MBTD1: variants seen among roughly 807,000 people sequenced by gnomAD.
The protein encoded by MBTD1 is MBT domain-containing protein 1.
In MBTD1, 24 loss-of-function variants were observed where a neutral mutation model predicts 87.8. That is an observed-to-expected ratio of 0.27 (90% CI 0.20 to 0.38). MBTD1 has a LOEUF of 0.38. MBTD1 is among the 10% of genes least tolerant of loss of function. The pLI is 1.00. For missense variants in MBTD1, 436 were observed against 760.2 expected (o/e 0.57, Z 5.02); for synonymous variants, 237 against 248.6 (o/e 0.95, Z 0.44).
rs937773546 is a variant in MBTD1 at position 51,211,258 on chromosome 17, C to A, written c.487-4253G>T. Reference sequence around the variant, plus strand: ...CTGTAATCCCAGTACTTTGGGAGGCCAAGGTTGGGGGATTGCTTGTACCCA... The same window carrying A: ...CTGTAATCCCAGTACTTTGGGAGGCAAAGGTTGGGGGATTGCTTGTACCCA... On this transcript the variant is annotated intron_variant, in intron 6 of 16. Coordinates refer to ENST00000586178, the MANE Select transcript of MBTD1 (RefSeq NM_017643.3). 3.3e-5 allele frequency among the ~76,000 whole-genome samples: 5 copies of A among 151,782 alleles called. 1 individual carries two copies. The highest frequency in any genetic ancestry group is 1.2e-4 in the African/African-American group (5 of 41,324).
At chr17:51,233,334 T>C (rs1312823981) in intron 2 of MBTD1, among the ~76,000 whole-genome samples, 1 of 151,122 alleles carries the variant, frequency 6.6e-6, no homozygotes, top group African/African-American at 2.4e-5. Flanking sequence ...AAAACAAATC[T>C]CCAGGAAAGA....
chr17:51,197,041 GATATATATATATATATATAT>G (rs71149351), intron 12 of MBTD1, among the ~76,000 whole-genome samples: 11 of 87,620 alleles, frequency 1.3e-4, no homozygotes, highest in Middle Eastern at 6.3e-3. Flanking sequence ...ATATATACAA[GATATATATATATATATATAT>G]ATATATATAT....
At position 51,202,780 on chromosome 17, in the gene MBTD1, G is replaced by A; in HGVS notation, c.984C>T (p.Asp328=). The change falls in exon 10 of 17, where the codon GAC becomes GAT. Residue 328 remains aspartate, a synonymous_variant. Transcript: ENST00000586178. ...VYEESEDRTD[D]FWCHMHSPLI... ...ATGGGCTGTGCATATGGCACCAGAA[G>A]TCATCTGTTCTATCTTCGCTTTCTT... is the stretch of plus-strand genomic sequence containing the variant. 6.2e-7 allele frequency: 1 copy of A among 1,614,116 alleles called. No homozygotes were observed. The highest frequency in any genetic ancestry group is 8.5e-7 in the Non-Finnish European group (1 of 1,179,994).
chr17:51,240,803 AAG>A (rs2054119905), intron 2 of MBTD1, among the ~76,000 whole-genome samples: 2 of 152,128 alleles, frequency 1.3e-5, no homozygotes, highest in South Asian at 4.1e-4. Context: ...TGTTCATATT[AAG>A]TATTTGGAAT....
intron 2 of MBTD1, among the ~76,000 whole-genome samples, chr17:51,232,379 G>A (rs572414725): frequency 2.0e-5 from 3 of 152,108 alleles, no homozygotes; most frequent in Admixed American, 6.5e-5. Flanking sequence ...AATCCACCAT[G>A]AGCAAGCATC....
At chr17:51,192,456 T>C (rs984242421) in intron 15 of MBTD1, 176 bp from the exon 16 acceptor site, 11 of 627,372 alleles carry the variant, frequency 1.8e-5, no homozygotes, top group African/African-American at 3.7e-5. Context: ...CATGAGACAT[T>C]TTCCACTATT....
chr17:51,236,013 C>G (rs1568220123), intron 2 of MBTD1, among the ~76,000 whole-genome samples: 1 of 152,010 alleles, frequency 6.6e-6, no homozygotes, highest in Admixed American at 6.6e-5. Flanking sequence ...ATCGGTCTCT[C>G]TCTATATGTA....
chr17:51,259,681 G>T (rs1270414950), intron 1 of MBTD1, among the ~76,000 whole-genome samples, 154 bp downstream of exon 1: 4 of 151,950 alleles, frequency 2.6e-5, no homozygotes, highest in African/African-American at 9.7e-5. Context: ...TTTAACGGCT[G>T]GAAGGGGGAG....
chr17:51,236,910 G>C (rs1319825465), intron 2 of MBTD1, among the ~76,000 whole-genome samples: 2 of 152,018 alleles, frequency 1.3e-5, no homozygotes, highest in Admixed American at 6.6e-5. Flanking sequence ...GTAAGTTAAC[G>C]TAAGAGTTCT....
chr17:51,235,827 CAAAGGCTCTAGA>C (rs1355140374), intron 2 of MBTD1, among the ~76,000 whole-genome samples: 1 of 152,102 alleles, frequency 6.6e-6, no homozygotes, highest in African/African-American at 2.4e-5. Context: ...TATGGAACTG[CAAAGGCTCTAGA>C]ATAGCCAAAG....
chr17:51,205,732 C>T (rs1324440184), intron 7 of MBTD1, among the ~76,000 whole-genome samples: 1 of 152,134 alleles, frequency 6.6e-6, no homozygotes, highest in Admixed American at 6.5e-5. Context: ...TGGTGCAACT[C>T]ATCAATAGTC....
At chr17:51,218,611 T>C (rs2052714755) in intron 5 of MBTD1, among the ~76,000 whole-genome samples, 1 of 150,160 alleles carries the variant, frequency 6.7e-6, no homozygotes, top group Admixed American at 6.6e-5. Flanking sequence ...CTTCCCTCAA[T>C]CCCTTTGAAG....
intron 6 of MBTD1, among the ~76,000 whole-genome samples, chr17:51,212,568 A>G (rs1303702229): frequency 1.3e-5 from 2 of 152,002 alleles, no homozygotes; most frequent in Non-Finnish European, 2.9e-5. Context: ...ACCAAACAGA[A>G]GAAATCTGAA....
intron 6 of MBTD1, among the ~76,000 whole-genome samples, chr17:51,210,247 T>C (rs2052098988): frequency 3.9e-5 from 6 of 152,004 alleles, no homozygotes; most frequent in Admixed American, 3.3e-4. Flanking sequence ...TGCCTCAGCC[T>C]CCCAAAGTAC....
intron 4 of MBTD1, 48 bp from the exon 5 acceptor site, chr17:51,219,092 C>G (rs1351209430): frequency 1.1e-6 from 1 of 946,360 alleles, no homozygotes; most frequent in Non-Finnish European, 1.7e-6. Flanking sequence ...CATCCCCTCA[C>G]CACCACAATT....
intron 2 of MBTD1, among the ~76,000 whole-genome samples, chr17:51,243,799 T>C (rs1568231693): frequency 6.6e-6 from 1 of 152,184 alleles, no homozygotes; most frequent in East Asian, 1.9e-4. Flanking sequence ...GTAGCTGGGA[T>C]TACAGGTGTA....
chr17:51,248,706 TTTA>T (rs2054596254), intron 2 of MBTD1, among the ~76,000 whole-genome samples: 1 of 152,236 alleles, frequency 6.6e-6, no homozygotes, highest in Non-Finnish European at 1.5e-5. Context: ...ATGGTTTCTT[TTTA>T]TTGCTGAGTA....
At chr17:51,198,784 G>A (rs1476589677) in intron 12 of MBTD1, among the ~76,000 whole-genome samples, 4 of 152,012 alleles carry the variant, frequency 2.6e-5, no homozygotes, top group Admixed American at 6.5e-5. Context: ...ACATGGAGTC[G>A]ATCATGGGAA....
At chr17:51,210,757 AAACAACAACAACAACAACAAC>A (rs71149353) in intron 6 of MBTD1, among the ~76,000 whole-genome samples, 2 of 149,586 alleles carry the variant, frequency 1.3e-5, no homozygotes, top group African/African-American at 2.5e-5. Context: ...CTCTGTCTCA[AAACAACAACAACAACAACAAC>A]AACAACAACA....
Sources: allele counts gnomAD v4.1 joint callset (sites outside exome capture counted in the v4.1 genomes callset), GRCh38; gene constraint gnomAD v4.1.1; transcripts MANE v1.5; gene names NCBI Gene and HGNC (gene_info 2026-07-23, HGNC 2026-07-21).